Variants in PECAM1 observed in about 807,000 individuals in gnomAD.
PECAM1 encodes the protein platelet endothelial cell adhesion molecule.
Under a neutral mutation model 13.8 loss-of-function variants are expected in PECAM1, and 8 were observed. The observed-to-expected ratio is 0.58, with a 90% CI of 0.34 to 1.05. PECAM1 has a LOEUF of 1.05. Among genes scored for constraint, PECAM1 ranks in the 50% least tolerant of loss-of-function variants. The pLI, the probability that PECAM1 is intolerant of heterozygous loss-of-function variation, is 0.03. For missense variants in PECAM1, 304 were observed against 141.2 expected (o/e 2.15, Z -5.84); for synonymous variants, 136 against 52.6 (o/e 2.58, Z -6.86).
intron 4 of PECAM1, chr17:64,370,443 G>A (rs1020873489): frequency 2.1e-3 from 325 of 155,166 alleles, no homozygotes; most frequent in Admixed American, 3.7e-3. Flanking sequence ...TCTGTGAAAC[G>A]TGCTGCTTCA....
At chr17:64,348,856 A>G (rs2035645709) in intron 12 of PECAM1, among the ~76,000 whole-genome samples, 1 of 152,180 alleles carries the variant, frequency 6.6e-6, no homozygotes, top group Non-Finnish European at 1.5e-5. Flanking sequence ...AGAGGCAGAT[A>G]CAGGGCCTCG....
chr17:64,322,784 C>A lies in PECAM1; in HGVS notation c.*1032G>T. 1 of 669,114 alleles carries A rather than the reference C, an allele frequency of 1.5e-6. No individual in the cohort carries two copies. The highest frequency in any genetic ancestry group is 1.8e-6 in the Non-Finnish European group (1 of 540,764). 41.4% of individuals were successfully genotyped at this position (669,114 alleles called of 1,614,324 possible). A position where few individuals can be genotyped will look rare whatever the true frequency, so the allele number is the denominator to read the frequency against. On this transcript the variant is annotated 3_prime_UTR_variant, in exon 16 of 16. Coordinates refer to ENST00000563924, the MANE Select transcript of PECAM1 (RefSeq NM_000442.5). ...AGGCTGGAGTGCAGTGGCGCGATCT[C>A]CGCTCACTACAACCTCCGTTTCCTG... is the stretch of plus-strand genomic sequence containing the variant.
chr17:64,358,948 C>A (rs2035909943), intron 7 of PECAM1, among the ~76,000 whole-genome samples: 1 of 151,992 alleles, frequency 6.6e-6, no homozygotes. Context: ...AGGTGCCCAC[C>A]ACCACACCCA....
chr17:64,368,596 T>A (rs1171733649), intron 5 of PECAM1, among the ~76,000 whole-genome samples: 2 of 152,104 alleles, frequency 1.3e-5, no homozygotes, highest in Non-Finnish European at 2.9e-5. Context: ...ATGCCTATAA[T>A]CCCAGCACTT....
In PECAM1 at chr17:64,321,484, G is replaced by GT; in HGVS notation, c.*2331_*2332insA. ...CTCATGTGTGCTCCACAGGCCGGGG[G>GT]CGGTGGCTCATGCCTGCAATCCCAG... On this transcript the variant is annotated 3_prime_UTR_variant, in exon 16 of 16. Transcript: ENST00000563924. 1.0e-6 allele frequency: 1 copy of GT among 997,276 alleles called. No individual in the cohort carries two copies. Among genetic ancestry groups the GT allele is most frequent in the Non-Finnish European group, 1.2e-6 (1 of 835,170 alleles). 61.8% of individuals were successfully genotyped at this position (997,276 alleles called of 1,614,324 possible). A position where few individuals can be genotyped will look rare whatever the true frequency, so the allele number is the denominator to read the frequency against.
In PECAM1 at chr17:64,322,419, G is replaced by C. The variant is rs1340593187; in HGVS notation, c.*1397C>G. On this transcript the variant is annotated 3_prime_UTR_variant, in exon 16 of 16. Coordinates refer to ENST00000563924, the MANE Select transcript of PECAM1 (RefSeq NM_000442.5). ...CAAAACAAAAACATAGACCTGCTCG[G>C]TTCTCTCTGTGACTTCAGAGGCCCA... 3 of 986,054 alleles carry C rather than the reference G, an allele frequency of 3.0e-6. No individual in the cohort carries two copies. The highest frequency in any genetic ancestry group is 3.6e-6 in the Non-Finnish European group (3 of 830,446). 61.1% of individuals were successfully genotyped at this position (986,054 alleles called of 1,614,324 possible). A position where few individuals can be genotyped will look rare whatever the true frequency, so the allele number is the denominator to read the frequency against.
chr17:64,322,077 A>T lies in PECAM1; in HGVS notation c.*1739T>A, dbSNP rs2034820313. 8.8e-7 allele frequency: 1 copy of T among 1,140,652 alleles called. No individual in the cohort carries two copies. The highest frequency in any genetic ancestry group is 1.1e-6 in the Non-Finnish European group (1 of 909,368). The allele number at this position is 1,140,652 out of a possible 1,614,324, so 70.7% of individuals were successfully genotyped here. A position where few individuals can be genotyped will look rare whatever the true frequency, so the allele number is the denominator to read the frequency against. On this transcript the variant is annotated 3_prime_UTR_variant, in exon 16 of 16. Coordinates refer to ENST00000563924, the MANE Select transcript of PECAM1 (RefSeq NM_000442.5). ...AACCAACAGCTTTCATCATATTGTC[A>T]AAAGAGTCTAGGCTGGGCATGGTGG...
intron 14 of PECAM1, among the ~76,000 whole-genome samples, chr17:64,331,858 G>A (rs1376548658): frequency 6.6e-6 from 1 of 152,216 alleles, no homozygotes; most frequent in Non-Finnish European, 1.5e-5. Context: ...GTGGGCATTG[G>A]GGATGGTTGC....
At chr17:64,376,095 G>A (rs1043407726) in intron 3 of PECAM1, among the ~76,000 whole-genome samples, 1 of 152,088 alleles carries the variant, frequency 6.6e-6, no homozygotes, top group Non-Finnish European at 1.5e-5. Context: ...CCTGAGGTCA[G>A]GAGTTTGAGA....
intron 14 of PECAM1, among the ~76,000 whole-genome samples, chr17:64,335,900 C>T (rs944128308): frequency 2.0e-5 from 3 of 152,056 alleles, no homozygotes; most frequent in African/African-American, 7.2e-5. Context: ...GGAATAATAT[C>T]CAGAGGAAAG....
intron 9 of PECAM1, among the ~76,000 whole-genome samples, chr17:64,354,010 G>A (rs2035793774): frequency 6.6e-6 from 1 of 150,852 alleles, no homozygotes; most frequent in Admixed American, 6.6e-5. Context: ...TGTGATCTGG[G>A]CTCACTGTAA....
chr17:64,322,291 C>A lies in PECAM1; in HGVS notation c.*1525G>T. The A allele has an allele frequency of 1.9e-5, 9 of 473,250 alleles. No homozygotes were observed. The highest frequency in any genetic ancestry group is 2.2e-5 in the Non-Finnish European group (8 of 360,842). The allele number at this position is 473,250 out of a possible 1,614,324, so 29.3% of individuals were successfully genotyped here. On this transcript the variant is annotated 3_prime_UTR_variant, in exon 16 of 16. Transcript: ENST00000563924. ...ATCCCAGCTACTCGGGAGGCTGAGACAGGAGAACTGCTTGAACCCAGGAGG... is the reference window on the plus strand; with the variant it reads ...ATCCCAGCTACTCGGGAGGCTGAGAAAGGAGAACTGCTTGAACCCAGGAGG...
At chr17:64,336,884 GAA>G (rs2035292373) in intron 14 of PECAM1, among the ~76,000 whole-genome samples, 1 of 44,140 alleles carries the variant, frequency 2.3e-5, no homozygotes, top group Non-Finnish European at 6.6e-5. Context: ...AGAAAAGAAA[GAA>G]GGAAGGAAGG....
At chr17:64,327,852 C>G (rs2035000294) in intron 15 of PECAM1, among the ~76,000 whole-genome samples, 1 of 152,190 alleles carries the variant, frequency 6.6e-6, no homozygotes, top group South Asian at 2.1e-4. Context: ...GAATGATCGC[C>G]AGGTTTGATT....
At position 64,321,534 on chromosome 17, in the gene PECAM1, G is replaced by T; in HGVS notation, c.*2282C>A. ...GCACTTTGCGAGGCCAAGGAGGGAGGATCACTTGAGCCCAGAAGTTCGAGA... is the reference window on the plus strand; with the variant it reads ...GCACTTTGCGAGGCCAAGGAGGGAGTATCACTTGAGCCCAGAAGTTCGAGA... On this transcript the variant is annotated 3_prime_UTR_variant, in exon 16 of 16. Transcript: ENST00000563924. 1 of 767,368 alleles carries T rather than the reference G, an allele frequency of 1.3e-6. No homozygotes were observed. The highest frequency in any genetic ancestry group is 1.6e-6 in the Non-Finnish European group (1 of 618,676). 47.5% of individuals were successfully genotyped at this position (767,368 alleles called of 1,614,324 possible). A position where few individuals can be genotyped will look rare whatever the true frequency, so the allele number is the denominator to read the frequency against.
chr17:64,388,999 A>G (rs2036660339), intron 2 of PECAM1, among the ~76,000 whole-genome samples: 1 of 152,130 alleles, frequency 6.6e-6, no homozygotes, highest in Non-Finnish European at 1.5e-5. Context: ...TGGTGACACC[A>G]TCAGTCCAGC....
At chr17:64,353,840 G>T (rs1370561649) in intron 9 of PECAM1, among the ~76,000 whole-genome samples, 2 of 151,856 alleles carry the variant, frequency 1.3e-5, no homozygotes, top group African/African-American at 4.8e-5. Context: ...GACTATTTTA[G>T]CCAGAAGTGA....
Position 64,341,165 on chromosome 17 carries a change from G to A in PECAM1, c.2164+469C>T, listed in dbSNP as rs1359830158. Among the ~76,000 whole-genome samples, 45 of 151,844 alleles carry A rather than the reference G, an allele frequency of 3.0e-4. 2 individuals carry two copies. Among genetic ancestry groups the A allele is most frequent in the Admixed American group, 2.6e-3 (40 of 15,262 alleles). On this transcript the variant is annotated intron_variant, in intron 14 of 15. Transcript: ENST00000563924. ...TGTAATCCCATCTACTTGGGAGGCT[G>A]AGGCAGGAGAATCACTTAAATCCGG... is the stretch of plus-strand genomic sequence containing the variant.
chr17:64,334,018 G>A (rs2035200009), intron 14 of PECAM1, among the ~76,000 whole-genome samples: 1 of 148,960 alleles, frequency 6.7e-6, no homozygotes, highest in Non-Finnish European at 1.5e-5. Context: ...AGGCCACAGA[G>A]AGTCAATAGG....
Sources: allele counts gnomAD v4.1 joint callset (sites outside exome capture counted in the v4.1 genomes callset), GRCh38; gene constraint gnomAD v4.1.1; transcripts MANE v1.5; gene names NCBI Gene and HGNC (gene_info 2026-07-23, HGNC 2026-07-21).